The following ZNF251 variants were observed in gnomAD, a reference collection of about 807,000 sequenced individuals.
The protein encoded by ZNF251 is zinc finger protein 251.
ZNF251 carries 14 observed loss-of-function variants against 13.5 expected under a neutral mutation model. The observed-to-expected ratio is 1.04, with a 90% confidence interval of 0.69 to 1.63. The LOEUF is 1.63. Ranked by LOEUF, ZNF251 falls within the 40% of genes most tolerant of loss-of-function variation. ZNF251 has a pLI of 0.00. For synonymous variants in ZNF251, 287 were observed against 295.2 expected, an observed-to-expected ratio of 0.97 and a Z score of 0.28; for missense variants, 764 against 834.9, an observed-to-expected ratio of 0.92 and a Z score of 1.05.
chr8:144,732,007 A>G (rs758906913), intron 4 of ZNF251, among the ~76,000 whole-genome samples: 7 of 149,688 alleles, frequency 4.7e-5, no homozygotes, highest in African/African-American at 1.3e-4. Flanking sequence ...CAATGATGCG[A>G]TCTCAACTCA....
rs1454903556 is a variant in ZNF251 at position 144,740,731 on chromosome 8, C to T, written c.277+12952G>A. On this transcript the variant is annotated intron_variant, in intron 4 of 4. Coordinates refer to ENST00000292562, the MANE Select transcript of ZNF251 (RefSeq NM_138367.2). ...GGCAGATTGCCTAAGCTCAGGAATT[C>T]GAGACCAGCCTGACCAACATGGTGA... is the stretch of plus-strand genomic sequence containing the variant. Among the ~76,000 whole-genome samples the T allele has an allele frequency of 5.3e-5, 8 of 152,030 alleles. No homozygotes were observed. In the East Asian group the frequency reaches 5.8e-4, roughly 11 times the overall value.
intron 4 of ZNF251, among the ~76,000 whole-genome samples, chr8:144,751,123 A>T (rs951146927): frequency 6.6e-6 from 1 of 152,116 alleles, no homozygotes; most frequent in African/African-American, 2.4e-5. Context: ...TGCTGGGATT[A>T]CAGGTGTGAG....
chr8:144,745,688 A>G (rs572205147), intron 4 of ZNF251, among the ~76,000 whole-genome samples: 1 of 152,214 alleles, frequency 6.6e-6, no homozygotes, highest in Admixed American at 6.5e-5. Context: ...CTGGGAATAT[A>G]GGCACATGCC....
chr8:144,725,805 A>G (rs1280411725), intron 4 of ZNF251, among the ~76,000 whole-genome samples: 3 of 152,218 alleles, frequency 2.0e-5, no homozygotes, highest in African/African-American at 7.2e-5. Context: ...CTCATTCACA[A>G]TGACGGATGT....
At chr8:144,754,933 A>G in intron 1 of ZNF251, 130 bp from the exon 2 acceptor site, 18 of 1,425,060 alleles carry the variant, frequency 1.3e-5, no homozygotes, top group Non-Finnish European at 1.6e-5. Context: ...GCACGGGCCG[A>G]CGTGCCCTAC....
At chr8:144,739,239 C>T (rs548770375) in intron 4 of ZNF251, among the ~76,000 whole-genome samples, 3 of 149,268 alleles carry the variant, frequency 2.0e-5, no homozygotes, top group African/African-American at 7.4e-5. Flanking sequence ...ACCCCACCCC[C>T]CCAAAACTAG....
chr8:144,754,671 T>C (rs756380840), intron 2 of ZNF251, 25 bp downstream of exon 2: 11 of 1,595,192 alleles, frequency 6.9e-6, no homozygotes, highest in African/African-American at 1.3e-5. Context: ...GATGAAGAGG[T>C]GGGCAGGAAG....
chr8:144,733,213 C>T (rs752050628), intron 4 of ZNF251, among the ~76,000 whole-genome samples: 4 of 152,056 alleles, frequency 2.6e-5, no homozygotes, highest in South Asian at 2.1e-4. Flanking sequence ...AGGGAGACTC[C>T]GTCTCAAAAC....
chr8:144,721,831 A>G lies in ZNF251; in HGVS notation c.1829T>C (p.Ile610Thr). Residue 610 changes from isoleucine (I) to threonine (T), a missense_variant, in exon 5 of 5, where the codon ATT becomes ACT. Ile to Thr is a moderately conservative substitution (Grantham distance 89). Coordinates refer to ENST00000292562, the MANE Select transcript of ZNF251 (RefSeq NM_138367.2). ...GNAFSGKSTLIQHQVTHTGQK... is the reference protein window; with the variant it reads ...GNAFSGKSTLTQHQVTHTGQK... The stretch of plus-strand genomic sequence containing the variant: ...ACCAGTGTGAGTTACCTGATGTTGA[A>G]TAAGGGTTGACTTTCCACTGAAGGC... The G allele has an allele frequency of 6.7e-7, 1 of 1,495,954 alleles. No individual in the cohort carries two copies. The highest frequency in any genetic ancestry group is 1.5e-5 in the South Asian group (1 of 68,312). The allele number at this position is 1,495,954 out of a possible 1,614,324, so 92.7% of individuals were successfully genotyped here.
chr8:144,754,436 A>C, intron 2 of ZNF251, 115 bp from the exon 3 acceptor site: 1 of 1,451,744 alleles, frequency 6.9e-7, no homozygotes, highest in South Asian at 1.5e-5. Flanking sequence ...GTCAGTATGA[A>C]CTGTGTATCA....
intron 4 of ZNF251, among the ~76,000 whole-genome samples, chr8:144,748,080 C>CTT (rs371744692): frequency 5.5e-5 from 8 of 145,322 alleles, no homozygotes; most frequent in African/African-American, 2.0e-4. Flanking sequence ...GACAACCTCA[C>CTT]TTTTTTTTTT....
intron 4 of ZNF251, 95 bp from the exon 5 acceptor site, chr8:144,723,477 G>A: frequency 1.2e-6 from 1 of 864,516 alleles, no homozygotes; most frequent in Non-Finnish European, 1.6e-6. Context: ...CCATCATGCA[G>A]AAGGCAGATG....
chr8:144,730,095 A>G, intron 4 of ZNF251: 1 of 985,454 alleles, frequency 1.0e-6, no homozygotes, highest in South Asian at 4.7e-5. Flanking sequence ...CTCCCTTCGT[A>G]CATCACCAGA....
In ZNF251 at chr8:144,722,315, C is replaced by T. The variant is rs1421503115; in HGVS notation, c.1345G>A (p.Val449Ile). The T allele has an allele frequency of 5.0e-6, 8 of 1,613,516 alleles. No individual in the cohort carries two copies. Among genetic ancestry groups the T allele is most frequent in the Admixed American group, 1.7e-5 (1 of 59,980 alleles). ...CCAGTGTGAACTCTTCGATGCTGAA[C>T]AAGAGTGGAACTCCGACGAAAGGCT... ...GKAFRRSSTL[V>I]QHRRVHTGEK... The change falls in exon 5 of 5, where the codon GTT (valine) becomes ATT (isoleucine). Residue 449 changes from valine (V) to isoleucine (I), a missense_variant. Coordinates refer to ENST00000292562, the MANE Select transcript of ZNF251 (RefSeq NM_138367.2). The surrounding 1 kb of genome is among the most constrained non-coding windows in gnomAD (Gnocchi z 4.8).
intron 4 of ZNF251, among the ~76,000 whole-genome samples, chr8:144,744,178 G>A (rs144750696): frequency 2.5e-3 from 382 of 151,842 alleles, no homozygotes; most frequent in African/African-American, 8.2e-3. Context: ...CACCCAGCTG[G>A]TTTTTGTATT....
At chr8:144,748,352 G>A (rs1432889967) in intron 4 of ZNF251, among the ~76,000 whole-genome samples, 1 of 152,114 alleles carries the variant, frequency 6.6e-6, no homozygotes, top group East Asian at 1.9e-4. Flanking sequence ...GATTACAGGT[G>A]TTAGCCACTG....
intron 4 of ZNF251, among the ~76,000 whole-genome samples, chr8:144,737,345 G>A (rs183586103): frequency 4.6e-5 from 7 of 152,178 alleles, no homozygotes; most frequent in East Asian, 3.9e-4. Context: ...TGATCTGCCC[G>A]CTTTGGCCTT....
chr8:144,733,376 A>G (rs1454066979), intron 4 of ZNF251, among the ~76,000 whole-genome samples: 2 of 152,238 alleles, frequency 1.3e-5, no homozygotes, highest in East Asian at 3.8e-4. Flanking sequence ...CCCCACCTCT[A>G]AAGCAGACCA....
At chr8:144,737,137 T>C (rs1324152902) in intron 4 of ZNF251, among the ~76,000 whole-genome samples, 2 of 152,040 alleles carry the variant, frequency 1.3e-5, no homozygotes, top group African/African-American at 4.8e-5. Flanking sequence ...CTTGCTCTGT[T>C]GCCCAGGCTG....
Sources: gnomAD v4.1 joint callset for allele counts (sites outside exome capture counted in the v4.1 genomes callset) on GRCh38, gnomAD v4.1.1 for gene constraint, Gnocchi (gnomAD v3.1) non-coding constraint, MANE v1.5 for transcripts, NCBI Gene and HGNC (gene_info 2026-07-23, HGNC 2026-07-21) for gene names.